Variants in FBL observed in about 807,000 individuals in gnomAD.
FBL encodes the protein fibrillarin rRNA 2'-O-methyltransferase, also known as rRNA 2'-O-methyltransferase fibrillarin.
FBL carries 10 observed loss-of-function variants against 42.2 expected under a neutral mutation model. The observed-to-expected ratio is 0.24, with a 90% CI of 0.15 to 0.40. The LOEUF (loss-of-function observed/expected upper bound fraction) is 0.40. Ranked by LOEUF, FBL falls within the 10% of genes least tolerant of loss-of-function variation. The pLI is 1.00. For missense variants in FBL, 351 were observed against 439.2 expected (o/e 0.80, Z 1.79); for synonymous variants, 165 against 165.4 (o/e 1.00, Z 0.02).
intron 4 of FBL, 109 bp from the exon 5 acceptor site, chr19:39,839,314 G>T: frequency 3.6e-6 from 3 of 835,876 alleles, no homozygotes; most frequent in Admixed American, 2.9e-5. Flanking sequence ...CACTGCACAA[G>T]AACTCAACAT....
rs988276683 is a variant in FBL, at chr19:39,846,359, G to T, written c.-59C>A. ...CGGCGTTCACAACTCCACGAGTCCG[G>T]GGCTTTCGCACGTGGAAAAGAGCGC... On this transcript the variant is annotated 5_prime_UTR_variant, in exon 1 of 9. Transcript: ENST00000221801. 3.1e-6 allele frequency: 5 copies of T among 1,604,734 alleles called. No individual in the cohort carries two copies. The African/African-American group carries it at 4.0e-5, about 13-fold the overall frequency.
At chr19:39,841,932 C>G (rs951343068) in intron 1 of FBL, among the ~76,000 whole-genome samples, 1 of 152,298 alleles carries the variant, frequency 6.6e-6, no homozygotes, top group South Asian at 2.1e-4. Flanking sequence ...ACGTTTAAAA[C>G]AGAACTCTGG....
chr19:39,836,335 G>T (rs561590821), intron 7 of FBL, among the ~76,000 whole-genome samples: 147 of 152,170 alleles, frequency 9.7e-4, no homozygotes, highest in African/African-American at 3.4e-3. Context: ...AGGCATATAG[G>T]TTAAGTAACT....
intron 7 of FBL, among the ~76,000 whole-genome samples, chr19:39,835,956 G>A (rs1969038195): frequency 6.6e-6 from 1 of 151,742 alleles, no homozygotes; most frequent in Non-Finnish European, 1.5e-5. Flanking sequence ...TTTTAGTTTT[G>A]TTTTGGATTT....
At chr19:39,845,541 T>C (rs928402303) in intron 1 of FBL, among the ~76,000 whole-genome samples, 6 of 152,108 alleles carry the variant, frequency 3.9e-5, no homozygotes, top group African/African-American at 1.2e-4. Flanking sequence ...CATTCCACCA[T>C]GAAGGGAGTG....
chr19:39,838,030 C>G (rs1969083912), intron 5 of FBL, 187 bp from the exon 6 acceptor site: 5 of 545,116 alleles, frequency 9.2e-6, no homozygotes, highest in African/African-American at 2.0e-5. Context: ...AAGTCACTGG[C>G]CAAGAGTTAT....
intron 1 of FBL, among the ~76,000 whole-genome samples, chr19:39,842,900 C>T (rs1452257511): frequency 6.6e-6 from 1 of 152,124 alleles, no homozygotes; most frequent in African/African-American, 2.4e-5. Flanking sequence ...GGGCCCCATG[C>T]TCTTCCCCAC....
chr19:39,838,719 C>A, intron 5 of FBL: 1 of 234,148 alleles, frequency 4.3e-6, no homozygotes, highest in South Asian at 1.3e-4. Context: ...CTAAAGAAAC[C>A]AGAAGAGCAG....
intron 7 of FBL, among the ~76,000 whole-genome samples, chr19:39,835,286 C>T (rs1024186718): frequency 1.3e-5 from 2 of 151,692 alleles, no homozygotes; most frequent in Non-Finnish European, 2.9e-5. Flanking sequence ...TTTGGGAGGC[C>T]GAGGTGGCTC....
Position 39,840,728 on chromosome 19 carries a change from G to A in FBL, c.70C>T (p.Arg24Cys), listed in dbSNP as rs372376704. ...CCGCCAAAGCCCCCTCGGCCTCCACGACCACCACGGTCACCAAAGCCCCCT... is the reference window on the plus strand; with the variant it reads ...CCGCCAAAGCCCCCTCGGCCTCCACAACCACCACGGTCACCAAAGCCCCCT... ...GRGGFGDRGG[R>C]GGRGGFGGGR... Residue 24 changes from arginine to cysteine, a missense_variant, in exon 2 of 9, where the codon CGT becomes TGT. By Grantham distance (180) the Arg-to-Cys change is radical. Coordinates refer to ENST00000221801, the MANE Select transcript of FBL (RefSeq NM_001436.4). This position sits in a 1 kb window ranked among gnomAD's most constrained non-coding sequence, Gnocchi z 4.5. 95 of 1,576,356 alleles carry A rather than the reference G, an allele frequency of 6.0e-5. No individual in the cohort carries two copies. Among genetic ancestry groups the A allele is most frequent in the Non-Finnish European group, 7.5e-5 (87 of 1,161,542 alleles).
At chr19:39,841,917 AAAC>A (rs1001539491) in intron 1 of FBL, among the ~76,000 whole-genome samples, 1 of 152,224 alleles carries the variant, frequency 6.6e-6, no homozygotes, top group Admixed American at 6.5e-5. Context: ...CATTAGCACA[AAAC>A]AACGTTTAAA....
chr19:39,841,214 G>C (rs1266765570), intron 1 of FBL, among the ~76,000 whole-genome samples: 2 of 152,048 alleles, frequency 1.3e-5, no homozygotes, highest in Non-Finnish European at 2.9e-5. Context: ...TAGATTACAG[G>C]TGTGTGCCAC....
At chr19:39,834,629 G>C (rs1393761770) in intron 8 of FBL, 39 bp downstream of exon 8, 2 of 1,614,050 alleles carry the variant, frequency 1.2e-6, no homozygotes, top group South Asian at 1.1e-5. Flanking sequence ...GCAAGGGACA[G>C]AGATGTCTGT....
intron 1 of FBL, 135 bp downstream of exon 1, chr19:39,846,156 C>A: frequency 9.7e-7 from 1 of 1,030,596 alleles, no homozygotes; most frequent in Non-Finnish European, 1.5e-6. Context: ...CAGAATCCCC[C>A]TTCCCACAGG....
intron 1 of FBL, among the ~76,000 whole-genome samples, chr19:39,843,583 A>G (rs1055509150): frequency 6.6e-6 from 1 of 152,192 alleles, no homozygotes; most frequent in Non-Finnish European, 1.5e-5. Flanking sequence ...CAGCCTGGCC[A>G]ACATAGTGAA....
chr19:39,843,696 A>G (rs758561419), intron 1 of FBL, among the ~76,000 whole-genome samples: 1 of 152,204 alleles, frequency 6.6e-6, no homozygotes, highest in Non-Finnish European at 1.5e-5. Flanking sequence ...AATTGAACAC[A>G]GGCGGAGGTT....
At chr19:39,836,507 C>T (rs1170704924) in intron 7 of FBL, 49 bp downstream of exon 7, 6 of 1,245,754 alleles carry the variant, frequency 4.8e-6, no homozygotes, top group Non-Finnish European at 7.0e-6. Context: ...AGAGAAGATA[C>T]CTCCCTAGAA....
rs1969130486 is a variant in FBL at position 39,840,142 on chromosome 19, A to G, written c.378+91T>C. On this transcript the variant is annotated intron_variant, in intron 4 of 8. Transcript: ENST00000221801. The surrounding 1 kb of genome is among the most constrained non-coding windows in gnomAD (Gnocchi z 4.5). ...ATATTATGACAATCCTCCAGCTGTC[A>G]CGTGCAGGACACATGGTGAGGGCAG... 2 of 864,966 alleles carry G rather than the reference A, an allele frequency of 2.3e-6. No homozygotes were observed. Among genetic ancestry groups the G allele is most frequent in the Non-Finnish European group, 3.9e-6 (2 of 511,650 alleles). 53.6% of individuals were successfully genotyped at this position (864,966 alleles called of 1,614,324 possible).
At chr19:39,843,739 G>T (rs1969205817) in intron 1 of FBL, among the ~76,000 whole-genome samples, 2 of 152,256 alleles carry the variant, frequency 1.3e-5, no homozygotes, top group Admixed American at 1.3e-4. Context: ...CTGCACTCCA[G>T]CCTGGGTGAC....
Sources: gnomAD v4.1 joint callset for allele counts (sites outside exome capture counted in the v4.1 genomes callset) on GRCh38, gnomAD v4.1.1 for gene constraint, Gnocchi (gnomAD v3.1) non-coding constraint, MANE v1.5 for transcripts, NCBI Gene and HGNC (gene_info 2026-07-23, HGNC 2026-07-21) for gene names.